ARPP21: variants seen among roughly 807,000 people sequenced by gnomAD.
ARPP21 encodes cAMP-regulated phosphoprotein 21.
Under a neutral mutation model 113.2 loss-of-function variants are expected in ARPP21, and 69 were observed. That is an observed-to-expected ratio of 0.61 (90% CI 0.50 to 0.74). The LOEUF (loss-of-function observed/expected upper bound fraction) is 0.74, where lower values mean the gene tolerates loss of function less well. ARPP21 is among the 30% of genes least tolerant of loss of function. ARPP21 has a pLI of 0.00. For missense variants in ARPP21, 1,070 were observed against 1,037.4 expected, an observed-to-expected ratio of 1.03 and a Z score of -0.43; for synonymous variants, 368 against 375.5, an observed-to-expected ratio of 0.98 and a Z score of 0.23.
chr3:35,760,823 A>C (rs891652201), intron 19 of ARPP21, among the ~76,000 whole-genome samples: 1 of 152,016 alleles, frequency 6.6e-6, no homozygotes, highest in Non-Finnish European at 1.5e-5. Flanking sequence ...TCCCACCCAC[A>C]TTAGGATTGG....
chr3:35,663,637 T>G (rs1708837668), intron 1 of ARPP21, among the ~76,000 whole-genome samples: 1 of 152,160 alleles, frequency 6.6e-6, no homozygotes, highest in Non-Finnish European at 1.5e-5. Flanking sequence ...GGGTGAGATT[T>G]CACAATGTTT....
chr3:35,743,806 C>T, intron 18 of ARPP21, 33 bp from the exon 19 acceptor site: 1 of 1,605,690 alleles, frequency 6.2e-7, no homozygotes, highest in Non-Finnish European at 8.5e-7. Context: ...TCTACATTTT[C>T]ATTCTCTGCT....
intron 9 of ARPP21, among the ~76,000 whole-genome samples, chr3:35,699,845 A>G (rs540266483): frequency 6.6e-5 from 10 of 151,876 alleles, no homozygotes; most frequent in South Asian, 2.1e-4. Context: ...TCTCAAAAAA[A>G]CACAACAATT....
intron 1 of ARPP21, among the ~76,000 whole-genome samples, chr3:35,677,915 T>C (rs529797676): frequency 1.3e-5 from 2 of 152,096 alleles, no homozygotes; most frequent in East Asian, 3.9e-4. Flanking sequence ...ACAAAAATAT[T>C]TGTGATCCAT....
chr3:35,681,879 A>G lies in ARPP21; in HGVS notation c.128A>G (p.Gln43Arg), dbSNP rs771629668. 2 of 1,611,784 alleles carry G rather than the reference A, an allele frequency of 1.2e-6. No individual in the cohort carries two copies. The highest frequency in any genetic ancestry group is 2.2e-5 in the East Asian group (1 of 44,746). The change falls in exon 3 of 21, where the codon CAG becomes CGG. Residue 43 changes from glutamine to arginine, a missense_variant and splice_region_variant. Coordinates refer to ENST00000684406, the MANE Select transcript of ARPP21 (RefSeq NM_001385562.1). ...GATGAAGAGGAGAAACTGGAACTGC[A>G]GGTGAGTGAGCATGAAGAGACCCTG... Reference protein sequence around the residue: ...SLDEEEKLELQRRLEAQNQER... With the variant: ...SLDEEEKLELRRRLEAQNQER...
At chr3:35,774,841 T>C (rs1363327394) in intron 19 of ARPP21, 1 of 152,196 alleles carries the variant, frequency 6.6e-6, no homozygotes, top group Non-Finnish European at 1.5e-5. Flanking sequence ...TCAATACTTT[T>C]ATCAAATCTT....
rs748769681 is a variant in ARPP21 at position 35,716,460 on chromosome 3, G to A, written c.936-838G>A. 1.1e-4 allele frequency among the ~76,000 whole-genome samples: 16 copies of A among 151,950 alleles called. No individual in the cohort carries two copies. In the East Asian group the frequency reaches 1.5e-3, roughly 15 times the overall value. On this transcript the variant is annotated intron_variant, in intron 12 of 20. Transcript: ENST00000684406. Reference sequence around the variant, plus strand: ...TTGCAGTTGGAAATCTTCAAGTAACGTGACTAAACCCCTTAATAGAATAAC... The same window carrying A: ...TTGCAGTTGGAAATCTTCAAGTAACATGACTAAACCCCTTAATAGAATAAC...
chr3:35,675,605 T>G (rs1330838332), intron 1 of ARPP21, among the ~76,000 whole-genome samples: 1 of 151,898 alleles, frequency 6.6e-6, no homozygotes, highest in Non-Finnish European at 1.5e-5. Context: ...ATTATAGAGT[T>G]GTCTTTTTCA....
intron 1 of ARPP21, chr3:35,679,474 A>G (rs1439115248): frequency 6.6e-6 from 1 of 150,682 alleles, no homozygotes; most frequent in East Asian, 1.9e-4. Flanking sequence ...CAAACACACA[A>G]GCTTTTTTTT....
At chr3:35,792,781 A>G (rs2096771914) in intron 20 of ARPP21, among the ~76,000 whole-genome samples, 1 of 152,218 alleles carries the variant, frequency 6.6e-6, no homozygotes, top group East Asian at 1.9e-4. Flanking sequence ...ATGGAAGAAA[A>G]TACATTAGTC....
intron 1 of ARPP21, among the ~76,000 whole-genome samples, chr3:35,643,306 G>A (rs553229888): frequency 5.3e-5 from 8 of 152,174 alleles, no homozygotes; most frequent in Admixed American, 2.0e-4. Context: ...AATGTGCAAA[G>A]TTGATCTGGA....
At chr3:35,781,380 C>G (rs1279257015) in intron 19 of ARPP21, 1 of 152,168 alleles carries the variant, frequency 6.6e-6, no homozygotes, top group Non-Finnish European at 1.5e-5. Flanking sequence ...AAGATGGAAA[C>G]AGCCTGCCCC....
At chr3:35,684,003 A>G (rs774237174) in intron 5 of ARPP21, 188 bp downstream of exon 5, 1 of 1,518,662 alleles carries the variant, frequency 6.6e-7, no homozygotes, top group Non-Finnish European at 9.1e-7. Context: ...ACAGAGTATT[A>G]AATTTGTTTT....
At chr3:35,721,886 C>A (rs768671324) in intron 14 of ARPP21, 52 bp downstream of exon 14, 22 of 1,203,540 alleles carry the variant, frequency 1.8e-5, no homozygotes, top group Non-Finnish European at 3.5e-6. Context: ...GGATTCTACC[C>A]AAGCCATATG....
chr3:35,781,977 G>A lies in ARPP21; in HGVS notation c.2138-10405G>A. 1.3e-5 allele frequency among the ~76,000 whole-genome samples: 2 copies of A among 152,174 alleles called. 1 individual carries two copies. The highest frequency in any genetic ancestry group is 3.8e-4 in the East Asian group (2 of 5,196). On this transcript the variant is annotated intron_variant, in intron 19 of 20. Transcript: ENST00000684406. The stretch of plus-strand genomic sequence containing the variant: ...AGAACTAATCAATTGCTGTTGAGCT[G>A]TAATGAAATGTAAACAAGTGGACCT...
intron 18 of ARPP21, among the ~76,000 whole-genome samples, chr3:35,739,928 C>CA (rs1207510824): frequency 6.6e-5 from 10 of 152,200 alleles, no homozygotes; most frequent in Admixed American, 3.3e-4. Flanking sequence ...GAAAGGTCTG[C>CA]ACCTAGGAGA....
At chr3:35,659,046 A>G (rs1007431107) in intron 1 of ARPP21, among the ~76,000 whole-genome samples, 1 of 152,194 alleles carries the variant, frequency 6.6e-6, no homozygotes, top group Non-Finnish European at 1.5e-5. Context: ...TTTGGATTTC[A>G]CAGCGGGAAC....
At chr3:35,721,523 A>G (rs1479189306) in intron 13 of ARPP21, 82 bp from the exon 14 acceptor site, 11 of 786,256 alleles carry the variant, frequency 1.4e-5, no homozygotes, top group Admixed American at 4.7e-5. Context: ...ACCTTCCAAG[A>G]AAAGCCTTGC....
chr3:35,685,435 C>T (rs1337189067), intron 5 of ARPP21: 23 of 984,584 alleles, frequency 2.3e-5, no homozygotes, highest in South Asian at 4.7e-5. Flanking sequence ...AGCAAGTGGC[C>T]GTGCTACCTT....
Sources: allele counts gnomAD v4.1 joint callset (sites outside exome capture counted in the v4.1 genomes callset), GRCh38; gene constraint gnomAD v4.1.1; transcripts MANE v1.5; gene names NCBI Gene and HGNC (gene_info 2026-07-23, HGNC 2026-07-21).